RAMP3: variants seen among roughly 807,000 people sequenced by gnomAD.
RAMP3 encodes receptor activity modifying protein 3.
A neutral mutation model predicts 13.5 loss-of-function variants in RAMP3; 14 were observed. The ratio of observed to expected loss-of-function variants is 1.04; its 90% CI spans 0.69 to 1.63. The LOEUF (loss-of-function observed/expected upper bound fraction) is 1.63, where lower values mean the gene tolerates loss of function less well. Ranked by LOEUF, RAMP3 falls within the 40% of genes most tolerant of loss-of-function variation. RAMP3 has a pLI of 0.00. For missense variants in RAMP3, 200 were observed against 204.8 expected, an observed-to-expected ratio of 0.98 and a Z score of 0.14; for synonymous variants, 106 against 88.3, an observed-to-expected ratio of 1.20 and a Z score of -1.12.
intron 1 of RAMP3, among the ~76,000 whole-genome samples, chr7:45,173,930 T>C (rs1786127535): frequency 6.6e-6 from 1 of 151,974 alleles, no homozygotes; most frequent in Non-Finnish European, 1.5e-5. Flanking sequence ...CAGACACATA[T>C]AGCAGAGCCT....
Position 45,184,042 on chromosome 7 carries a change from C to T in RAMP3, c.*630C>T, listed in dbSNP as rs146768645. The T allele has an allele frequency of 7.2e-4, 290 of 404,536 alleles. No individual in the cohort carries two copies. Among genetic ancestry groups the T allele is most frequent in the African/African-American group, 4.5e-3 (218 of 48,828 alleles). 25.1% of individuals were successfully genotyped at this position (404,536 alleles called of 1,614,324 possible). ...GTCCATTCCATCATGATGCTGTGCC[C>T]GCTATGGGCTGTGTCCATGACCAGA... On this transcript the variant is annotated 3_prime_UTR_variant, in exon 3 of 3. Transcript: ENST00000242249.
chr7:45,178,808 C>T (rs528643067), intron 2 of RAMP3, among the ~76,000 whole-genome samples: 4 of 152,296 alleles, frequency 2.6e-5, no homozygotes, highest in African/African-American at 7.2e-5. Flanking sequence ...GATGTCCAGC[C>T]GTGGATTGGG....
At chr7:45,168,099 T>C (rs1253374595) in intron 1 of RAMP3, among the ~76,000 whole-genome samples, 1 of 152,108 alleles carries the variant, frequency 6.6e-6, no homozygotes, top group Non-Finnish European at 1.5e-5. Flanking sequence ...TATGTAGATC[T>C]TTTAAAATTT....
chr7:45,173,275 A>T (rs1243661223), intron 1 of RAMP3, among the ~76,000 whole-genome samples: 1 of 152,186 alleles, frequency 6.6e-6, no homozygotes, highest in East Asian at 1.9e-4. Flanking sequence ...CTGCCATATG[A>T]CTGGACATGG....
chr7:45,161,288 AG>A (rs1487355480), intron 1 of RAMP3, among the ~76,000 whole-genome samples: 1 of 102,004 alleles, frequency 9.8e-6, no homozygotes, highest in Non-Finnish European at 2.0e-5. Context: ...GCCGTGGGGG[AG>A]GGGCTGGGCA....
At chr7:45,159,079 A>T (rs2128654465) in intron 1 of RAMP3, among the ~76,000 whole-genome samples, 1 of 152,346 alleles carries the variant, frequency 6.6e-6, no homozygotes, top group South Asian at 2.1e-4. Flanking sequence ...TATCAAATTG[A>T]GAAGGACCAC....
intron 1 of RAMP3, among the ~76,000 whole-genome samples, chr7:45,173,786 C>G (rs1786124404): frequency 6.6e-6 from 1 of 152,220 alleles, no homozygotes; most frequent in Non-Finnish European, 1.5e-5. Context: ...AGGGCACCTG[C>G]TTTCCCTTGG....
At chr7:45,180,124 C>T (rs566830816) in intron 2 of RAMP3, among the ~76,000 whole-genome samples, 4 of 152,374 alleles carry the variant, frequency 2.6e-5, no homozygotes, top group African/African-American at 7.2e-5. Context: ...GGCGGCTGTG[C>T]GCCAAGGTGT....
intron 1 of RAMP3, among the ~76,000 whole-genome samples, chr7:45,169,406 A>G (rs1198318559): frequency 6.6e-6 from 1 of 152,232 alleles, no homozygotes; most frequent in African/African-American, 2.4e-5. Flanking sequence ...ACCTGGGATT[A>G]TCTTTGGGAG....
chr7:45,163,944 AG>A lies in RAMP3; in HGVS notation c.58+6061del, dbSNP rs138007303. On this transcript the variant is annotated intron_variant, in intron 1 of 2. Transcript: ENST00000242249. ...AGGATTCCATGATGTGAAGGTTCAGAGGGCCTATTTGGGTTAAGTGGGAGAG... is the reference window on the plus strand; with the variant it reads ...AGGATTCCATGATGTGAAGGTTCAGAGGCCTATTTGGGTTAAGTGGGAGAG... 4,229 of 961,954 alleles carry A rather than the reference AG, an allele frequency of 4.4e-3. 8 individuals carry two copies. Among genetic ancestry groups the A allele is most frequent in the Non-Finnish European group, 5.0e-3 (4,053 of 808,620 alleles). 59.6% of individuals were successfully genotyped at this position (961,954 alleles called of 1,614,324 possible). A position where few individuals can be genotyped will look rare whatever the true frequency, so the allele number is the denominator to read the frequency against.
At chr7:45,177,238 C>T in intron 1 of RAMP3, 71 bp from the exon 2 acceptor site, 1 of 1,597,768 alleles carries the variant, frequency 6.3e-7, no homozygotes, top group South Asian at 1.1e-5. Flanking sequence ...GTTATGGCCC[C>T]TTGGGCCTCC....
chr7:45,177,245 C>CTCCCCTGTCCTGGCA, intron 1 of RAMP3, 64 bp from the exon 2 acceptor site: 1 of 1,603,014 alleles, frequency 6.2e-7, no homozygotes, highest in Non-Finnish European at 8.5e-7. Context: ...CCCCTTGGGC[C>CTCCCCTGTCCTGGCA]TCCCCTGTCC....
Position 45,177,417 on chromosome 7 carries a change from G to T in RAMP3, c.167G>T (p.Trp56Leu). Residue 56 changes from tryptophan to leucine, a missense_variant, in exon 2 of 3, where the codon TGG becomes TTG. By Grantham distance (61) the Trp-to-Leu change is moderately conservative. Transcript: ENST00000242249. The part of the protein sequence containing the change: ...DMMGKVDVWK[W>L]CNLSEFIVYY... The stretch of plus-strand genomic sequence containing the variant: ...ATGGGCAAGGTGGACGTCTGGAAGT[G>T]GTGCAACCTGTCCGAGTTCATCGTG... 1 of 1,614,068 alleles carries T rather than the reference G, an allele frequency of 6.2e-7. No individual in the cohort carries two copies. The highest frequency in any genetic ancestry group is 1.3e-5 in the African/African-American group (1 of 75,018).
intron 1 of RAMP3, among the ~76,000 whole-genome samples, chr7:45,165,669 C>G (rs551085785): frequency 1.4e-4 from 22 of 152,234 alleles, no homozygotes; most frequent in African/African-American, 5.3e-4. Context: ...AAAATAAACC[C>G]CCTACCCATT....
rs929977210 is a variant in RAMP3, at chr7:45,183,316, G to C, written c.351G>C (p.Glu117Asp). ...TCCACTTGGAGGACCCCCCAGACGA[G>C]GTTCTCATCCCGCTGATCGTTATAC... Reference protein sequence around the residue: ...DRVHLEDPPDEVLIPLIVIPV... With the variant: ...DRVHLEDPPDDVLIPLIVIPV... Residue 117 changes from glutamate (E) to aspartate (D), a missense_variant, in exon 3 of 3, where the codon GAG (glutamate) becomes GAC (aspartate). By Grantham distance (45) the Glu-to-Asp change is conservative (BLOSUM62 2). Transcript: ENST00000242249. 3 of 1,614,112 alleles carry C rather than the reference G, an allele frequency of 1.9e-6. No homozygotes were observed. The highest frequency in any genetic ancestry group is 1.7e-5 in the Admixed American group (1 of 60,038).
In RAMP3 at chr7:45,166,187, T is replaced by TTTC. The variant is rs1162295235; in HGVS notation, c.58+8303_58+8304insCTT. On this transcript the variant is annotated intron_variant, in intron 1 of 2. Coordinates refer to ENST00000242249, the MANE Select transcript of RAMP3 (RefSeq NM_005856.3). ...GTCCTCACTGACACTTTTTTTTTTT[T>TTTC]TTTCTGAGAGAGGGTCTCATTCTGT... 2.0e-5 allele frequency among the ~76,000 whole-genome samples: 3 copies of TTTC among 152,234 alleles called. 1 individual carries two copies. The East Asian group carries it at 5.8e-4, about 29-fold the overall frequency.
chr7:45,178,968 C>T (rs13222339), intron 2 of RAMP3, among the ~76,000 whole-genome samples: 8,631 of 152,172 alleles, frequency 0.057, 324 homozygotes, highest in East Asian at 0.1. Context: ...AGCCCTCCCA[C>T]GACCCGGCCG....
chr7:45,166,803 G>T (rs1184389317), intron 1 of RAMP3, among the ~76,000 whole-genome samples: 2 of 151,720 alleles, frequency 1.3e-5, no homozygotes, highest in East Asian at 3.9e-4. Context: ...TGAGACAGAG[G>T]CTTGCTTTGT....
At chr7:45,178,606 T>G (rs1365460193) in intron 2 of RAMP3, among the ~76,000 whole-genome samples, 1 of 152,214 alleles carries the variant, frequency 6.6e-6, no homozygotes, top group East Asian at 1.9e-4. Flanking sequence ...ATTCTGAGTC[T>G]GCTGGGAAGG....
Sources: allele counts gnomAD v4.1 joint callset (sites outside exome capture counted in the v4.1 genomes callset), GRCh38; gene constraint gnomAD v4.1.1; transcripts MANE v1.5; gene names NCBI Gene and HGNC (gene_info 2026-07-23, HGNC 2026-07-21).